Variants in DLGAP2 observed in about 807,000 individuals in gnomAD.
The protein encoded by DLGAP2 is disks large-associated protein 2.
In DLGAP2, 26 loss-of-function variants were observed where a neutral mutation model predicts 100.3. The ratio of observed to expected loss-of-function variants is 0.26; its 90% CI spans 0.19 to 0.36. The LOEUF (loss-of-function observed/expected upper bound fraction) is 0.36, where lower values mean the gene tolerates loss of function less well. DLGAP2 is among the 10% of genes least tolerant of loss of function. The probability of loss-of-function intolerance (pLI) is 1.00; values close to 1 mark genes in which losing one functional copy is unlikely to be tolerated. For missense variants in DLGAP2, 1,858 were observed against 1,453.2 expected (o/e 1.28, Z -4.53); for synonymous variants, 886 against 630.1 (o/e 1.41, Z -6.08).
At chr8:1,566,511 C>T (rs1220027573) in intron 6 of DLGAP2, among the ~76,000 whole-genome samples, 3 of 152,204 alleles carry the variant, frequency 2.0e-5, no homozygotes, top group African/African-American at 7.2e-5. Context: ...TGCTGTGTAT[C>T]TTGAGTCCCA....
At chr8:1,484,269 A>G in intron 3 of DLGAP2, among the ~76,000 whole-genome samples, 1 of 152,244 alleles carries the variant, frequency 6.6e-6, no homozygotes, top group Non-Finnish European at 1.5e-5. Flanking sequence ...CAGCAGTCAG[A>G]CCCGTATCAC....
chr8:1,268,804 A>C (rs934532074), intron 3 of DLGAP2, among the ~76,000 whole-genome samples: 1 of 152,176 alleles, frequency 6.6e-6, no homozygotes, highest in Non-Finnish European at 1.5e-5. Context: ...AAATGTCAGC[A>C]TTGTTCTGGG....
chr8:1,056,129 G>A (rs1248255904), intron 2 of DLGAP2, among the ~76,000 whole-genome samples: 2 of 152,162 alleles, frequency 1.3e-5, no homozygotes, highest in South Asian at 2.1e-4. Context: ...TAACACTGGA[G>A]GGCTTTTAGA....
intron 2 of DLGAP2, among the ~76,000 whole-genome samples, chr8:976,058 A>C (rs2129013170): frequency 6.6e-6 from 1 of 152,348 alleles, no homozygotes; most frequent in South Asian, 2.1e-4. Flanking sequence ...AGCAATAAAA[A>C]ATTGGAATTC....
At chr8:887,608 A>C (rs2128994873) in intron 1 of DLGAP2, among the ~76,000 whole-genome samples, 1 of 152,136 alleles carries the variant, frequency 6.6e-6, no homozygotes, top group Middle Eastern at 3.4e-3. Flanking sequence ...TCTGGAAAGG[A>C]TTTTATTTCT....
intron 4 of DLGAP2, among the ~76,000 whole-genome samples, chr8:1,503,231 C>G (rs1291904001): frequency 1.3e-5 from 2 of 152,156 alleles, no homozygotes; most frequent in African/African-American, 2.4e-5. Context: ...ACCTCTGTCT[C>G]TAGAACTTTT....
chr8:1,165,368 A>G (rs1344113981), intron 2 of DLGAP2, among the ~76,000 whole-genome samples: 1 of 152,198 alleles, frequency 6.6e-6, no homozygotes, highest in Non-Finnish European at 1.5e-5. Context: ...GCCGTTGGCT[A>G]CCAAGCGCTG....
rs570520601 is a variant in DLGAP2 at position 1,210,668 on chromosome 8, A to C, written c.74-48183A>C. On this transcript the variant is annotated intron_variant, in intron 2 of 14. Coordinates refer to ENST00000637795, the MANE Select transcript of DLGAP2 (RefSeq NM_001346810.2). Reference sequence around the variant, plus strand: ...GGCTACTGCCTTGGGAATATTTTAGAAGTGAGTCTGGGGCCACTTGAGGCC... The same window carrying C: ...GGCTACTGCCTTGGGAATATTTTAGCAGTGAGTCTGGGGCCACTTGAGGCC... Among the ~76,000 whole-genome samples the C allele has an allele frequency of 5.3e-5, 8 of 152,196 alleles. 1 individual carries two copies. In the East Asian group the frequency reaches 1.6e-3, roughly 30 times the overall value.
At chr8:1,171,654 C>T (rs77132534) in intron 2 of DLGAP2, among the ~76,000 whole-genome samples, 28,256 of 152,046 alleles carry the variant, frequency 0.19, 2,809 homozygotes, top group Middle Eastern at 0.34. Context: ...TCTTTGTCAA[C>T]TTTGATCTTT....
chr8:1,071,852 C>T (rs1021161385), intron 2 of DLGAP2, among the ~76,000 whole-genome samples: 3 of 152,188 alleles, frequency 2.0e-5, no homozygotes, highest in African/African-American at 7.2e-5. Flanking sequence ...TAAAAAGTGA[C>T]ATGTCCTTCT....
chr8:1,426,937 C>G (rs1028854964), intron 3 of DLGAP2, among the ~76,000 whole-genome samples: 2 of 152,092 alleles, frequency 1.3e-5, no homozygotes, highest in South Asian at 2.1e-4. Context: ...CAAGAAACAG[C>G]AGTGAACAGA....
intron 2 of DLGAP2, among the ~76,000 whole-genome samples, chr8:1,169,857 A>G: frequency 6.6e-6 from 1 of 151,716 alleles, no homozygotes; most frequent in Non-Finnish European, 1.5e-5. Flanking sequence ...CTCTTTTCCT[A>G]ATTGAATAAC....
intron 2 of DLGAP2, among the ~76,000 whole-genome samples, chr8:1,027,468 G>T (rs144202634): frequency 6.7e-6 from 1 of 150,034 alleles, no homozygotes; most frequent in East Asian, 2.0e-4. Context: ...TCCAGTTGGG[G>T]TGTCAGGCGC....
intron 2 of DLGAP2, among the ~76,000 whole-genome samples, chr8:1,121,812 T>G (rs994828520): frequency 1.3e-5 from 2 of 152,228 alleles, no homozygotes; most frequent in African/African-American, 4.8e-5. Context: ...CTCATCCTCA[T>G]TCCTTTAGAA....
At position 993,486 on chromosome 8, in the gene DLGAP2, T is replaced by A. The variant is rs61652865; in HGVS notation, c.73+85520T>A. ...CTCGGAGTTCCTGTTCTTCTCTCCC[T>A]CCTTGCCTGGACCCCCTGCACCCCC... is the stretch of plus-strand genomic sequence containing the variant. On this transcript the variant is annotated intron_variant, in intron 2 of 14. Coordinates refer to ENST00000637795, the MANE Select transcript of DLGAP2 (RefSeq NM_001346810.2). 2.9e-4 allele frequency among the ~76,000 whole-genome samples: 11 copies of A among 38,184 alleles called. 2 individuals are homozygous for A. The highest frequency in any genetic ancestry group is 1.7e-3 in the African/African-American group (9 of 5,384). 25.1% of individuals were successfully genotyped at this position (38,184 alleles called of 152,430 possible).
At chr8:1,551,348 C>T (rs534531195) in intron 5 of DLGAP2, among the ~76,000 whole-genome samples, 4 of 152,166 alleles carry the variant, frequency 2.6e-5, no homozygotes, top group Non-Finnish European at 5.9e-5. Context: ...TTGTCTGTGC[C>T]TGGTGTGGAT....
At chr8:1,433,282 C>G (rs537623092) in intron 3 of DLGAP2, among the ~76,000 whole-genome samples, 3 of 152,352 alleles carry the variant, frequency 2.0e-5, no homozygotes, top group Non-Finnish European at 2.9e-5. Context: ...CTCTGCTCTA[C>G]ATGTTCCGAA....
chr8:1,667,318 C>A (rs1481983216), intron 8 of DLGAP2, among the ~76,000 whole-genome samples: 1 of 152,156 alleles, frequency 6.6e-6, no homozygotes, highest in Admixed American at 6.5e-5. Context: ...CAGTCATCAT[C>A]TCCGGATGCA....
intron 1 of DLGAP2, among the ~76,000 whole-genome samples, chr8:809,819 GT>G (rs1450068040): frequency 6.6e-6 from 1 of 152,168 alleles, no homozygotes; most frequent in Admixed American, 6.5e-5. Flanking sequence ...AGTTTTCTCT[GT>G]TTCTTTGTCC....
Sources: gnomAD v4.1 joint callset for allele counts (sites outside exome capture counted in the v4.1 genomes callset) on GRCh38, gnomAD v4.1.1 for gene constraint, MANE v1.5 for transcripts, NCBI Gene and HGNC (gene_info 2026-07-23, HGNC 2026-07-21) for gene names.